Variants in ICOS observed in about 807,000 individuals in gnomAD.
ICOS encodes the protein inducible T cell costimulator.
Under a neutral mutation model 24.6 loss-of-function variants are expected in ICOS, and 15 were observed. The observed-to-expected ratio is 0.61, with a 90% CI of 0.41 to 0.94. ICOS has a LOEUF of 0.94. Ranked by LOEUF, ICOS falls within the 40% of genes least tolerant of loss-of-function variation. The pLI is 0.00. For synonymous variants in ICOS, 89 were observed against 77.5 expected, an observed-to-expected ratio of 1.15 and a Z score of -0.78; for missense variants, 200 against 233.0, an observed-to-expected ratio of 0.86 and a Z score of 0.92.
At chr2:203,959,494 G>C in intron 4 of ICOS, 92 bp from the exon 5 acceptor site, 1 of 990,520 alleles carries the variant, frequency 1.0e-6, no homozygotes, top group Non-Finnish European at 1.6e-6. Context: ...GTGTGTTTGT[G>C]TGTATGAAAG....
intron 1 of ICOS, among the ~76,000 whole-genome samples, chr2:203,937,188 G>GAAAGGC (rs1401595827): frequency 1.3e-5 from 2 of 152,150 alleles, no homozygotes; most frequent in African/African-American, 4.8e-5. Context: ...AGAGAAAGAT[G>GAAAGGC]AAAGGCAAAA....
chr2:203,939,382 T>G (rs1178868918), intron 1 of ICOS, among the ~76,000 whole-genome samples: 1 of 152,200 alleles, frequency 6.6e-6, no homozygotes, highest in Non-Finnish European at 1.5e-5. Context: ...TGTTTTTTTT[T>G]AATGAACTTG....
At chr2:203,959,455 A>AGT (rs34098976) in intron 4 of ICOS, 131 bp from the exon 5 acceptor site, 121,271 of 711,554 alleles carry the variant, frequency 0.17, 3,558 homozygotes, top group Non-Finnish European at 0.19. Flanking sequence ...TGTGTGTGTG[A>AGT]GTGTGTGTGT....
chr2:203,937,833 G>T (rs1689686048), intron 1 of ICOS, among the ~76,000 whole-genome samples: 2 of 152,156 alleles, frequency 1.3e-5, no homozygotes, highest in Admixed American at 6.5e-5. Flanking sequence ...GGCTCAAAGT[G>T]AGTTAAGTGC....
At chr2:203,944,853 T>C (rs1361473615) in intron 1 of ICOS, among the ~76,000 whole-genome samples, 1 of 152,208 alleles carries the variant, frequency 6.6e-6, no homozygotes, top group Non-Finnish European at 1.5e-5. Flanking sequence ...AAGAGAGAAG[T>C]TGACATTTAA....
At chr2:203,946,275 A>G (rs1019941906) in intron 1 of ICOS, among the ~76,000 whole-genome samples, 7 of 152,106 alleles carry the variant, frequency 4.6e-5, no homozygotes, top group African/African-American at 1.7e-4. Context: ...CATTTTTCTT[A>G]TTATACACAC....
intron 4 of ICOS, among the ~76,000 whole-genome samples, chr2:203,958,727 A>G (rs1042685348): frequency 6.6e-6 from 1 of 152,198 alleles, no homozygotes; most frequent in African/African-American, 2.4e-5. Context: ...TAGATGACAG[A>G]AATTGATGCT....
chr2:203,947,744 T>G (rs1689899096), intron 1 of ICOS, among the ~76,000 whole-genome samples: 1 of 152,170 alleles, frequency 6.6e-6, no homozygotes, highest in African/African-American at 2.4e-5. Context: ...GGGTTTCCAA[T>G]AAAAAGTAAA....
At chr2:203,948,123 C>A (rs1336370701) in intron 1 of ICOS, among the ~76,000 whole-genome samples, 1 of 152,106 alleles carries the variant, frequency 6.6e-6, no homozygotes, top group Non-Finnish European at 1.5e-5. Context: ...TATTTATGAA[C>A]CCAGTGGATA....
intron 1 of ICOS, among the ~76,000 whole-genome samples, chr2:203,949,954 G>T (rs967349043): frequency 1.3e-5 from 2 of 152,198 alleles, no homozygotes; most frequent in South Asian, 2.1e-4. Context: ...AGAAACTAAC[G>T]TATTCAGATC....
At chr2:203,955,374 A>G (rs971294401) in intron 1 of ICOS, among the ~76,000 whole-genome samples, 5 of 152,160 alleles carry the variant, frequency 3.3e-5, no homozygotes, top group African/African-American at 4.8e-5. Flanking sequence ...CATACACACT[A>G]TGTAAATATA....
intron 1 of ICOS, among the ~76,000 whole-genome samples, chr2:203,955,129 C>G (rs561751054): frequency 6.6e-6 from 1 of 151,956 alleles, no homozygotes; most frequent in South Asian, 2.1e-4. Flanking sequence ...TTTCCCATAT[C>G]TCTCTGTTTA....
intron 4 of ICOS, among the ~76,000 whole-genome samples, chr2:203,959,355 A>G (rs1178655632): frequency 6.6e-6 from 1 of 152,152 alleles, no homozygotes; most frequent in African/African-American, 2.4e-5. Flanking sequence ...ATGAGTTTAG[A>G]TAATGTCTGT....
At chr2:203,955,408 A>G (rs757507583) in intron 1 of ICOS, among the ~76,000 whole-genome samples, 8 of 152,110 alleles carry the variant, frequency 5.3e-5, no homozygotes, top group Non-Finnish European at 1.0e-4. Context: ...AGTATATTCT[A>G]TATTCACATA....
rs752907874 is a variant in ICOS at position 203,959,622 on chromosome 2, A to G, written c.*23A>G. ...TAATATGGAACTCTGGCACCCAGGC[A>G]TGAAGCACGTTGGCCAGTTTTCCTC... On this transcript the variant is annotated 3_prime_UTR_variant, in exon 5 of 5. Coordinates refer to ENST00000316386, the MANE Select transcript of ICOS (RefSeq NM_012092.4). 10 of 1,612,304 alleles carry G rather than the reference A, an allele frequency of 6.2e-6. No homozygotes were observed. In the East Asian group the frequency reaches 1.8e-4, roughly 29 times the overall value.
At chr2:203,958,996 C>A (rs956388263) in intron 4 of ICOS, among the ~76,000 whole-genome samples, 1 of 152,060 alleles carries the variant, frequency 6.6e-6, no homozygotes, top group Non-Finnish European at 1.5e-5. Flanking sequence ...CAAGGAGAAG[C>A]AAATGAAGGG....
At chr2:203,959,477 T>TGC (rs1553499796) in intron 4 of ICOS, 109 bp from the exon 5 acceptor site, 17 of 819,862 alleles carry the variant, frequency 2.1e-5, no homozygotes, top group African/African-American at 8.4e-5. Flanking sequence ...TGTGTGTGTG[T>TGC]GCACGTGTGT....
chr2:203,940,830 C>T (rs1410116288), intron 1 of ICOS, among the ~76,000 whole-genome samples: 1 of 152,090 alleles, frequency 6.6e-6, no homozygotes, highest in Non-Finnish European at 1.5e-5. Flanking sequence ...GTCGCCCAGG[C>T]TGGAGTGCAG....
chr2:203,954,099 G>C (rs937536915), intron 1 of ICOS, among the ~76,000 whole-genome samples: 8 of 152,082 alleles, frequency 5.3e-5, no homozygotes, highest in Non-Finnish European at 1.2e-4. Flanking sequence ...ATTTCAGCAT[G>C]AAAATTTGTC....
Sources: allele counts gnomAD v4.1 joint callset (sites outside exome capture counted in the v4.1 genomes callset), GRCh38; gene constraint gnomAD v4.1.1; transcripts MANE v1.5; gene names NCBI Gene and HGNC (gene_info 2026-07-23, HGNC 2026-07-21).